ARFGEF2: variants seen among roughly 807,000 people sequenced by gnomAD.
ARFGEF2 encodes the protein ARF guanine nucleotide exchange factor 2.
A neutral mutation model predicts 219.9 loss-of-function variants in ARFGEF2; 74 were observed. That is an observed-to-expected ratio of 0.34 (90% CI 0.28 to 0.41). The LOEUF (loss-of-function observed/expected upper bound fraction) is 0.41. ARFGEF2 is among the 10% of genes least tolerant of loss of function. The probability of loss-of-function intolerance (pLI) is 1.00; values close to 1 mark genes in which losing one functional copy is unlikely to be tolerated. For synonymous variants in ARFGEF2, 733 were observed against 799.2 expected, an observed-to-expected ratio of 0.92 and a Z score of 1.40; for missense variants, 1,743 against 2,218.3, an observed-to-expected ratio of 0.79 and a Z score of 4.30.
chr20:48,963,112 G>T (rs1446760072), intron 6 of ARFGEF2, among the ~76,000 whole-genome samples: 1 of 149,408 alleles, frequency 6.7e-6, no homozygotes, highest in Non-Finnish European at 1.5e-5. Flanking sequence ...GGAGGTGGAG[G>T]TTGCAGTAAG....
At chr20:48,991,464 ATT>A (rs71337479) in intron 21 of ARFGEF2, among the ~76,000 whole-genome samples, 24 of 134,836 alleles carry the variant, frequency 1.8e-4, no homozygotes, top group Admixed American at 3.0e-4. Context: ...TATTAGTGCC[ATT>A]TTTTTTTTTT....
chr20:48,991,177 C>A lies in ARFGEF2; in HGVS notation c.2952C>A (p.Tyr984Ter). 6.2e-7 allele frequency: 1 copy of A among 1,614,212 alleles called. No homozygotes were observed. The highest frequency in any genetic ancestry group is 2.2e-5 in the East Asian group (1 of 44,884). ...CAGTGGCTCACACCGATGGCAACTA[C>A]CTTGGGAATTCCTGGCATGAGGTAC... Reference protein sequence around the residue: ...LITVAHTDGNYLGNSWHEILK... With the variant: ...LITVAHTDGN The change falls in exon 21 of 39, where the codon TAC (tyrosine) becomes TAA (stop). Residue 984 changes from tyrosine (Y) to a stop codon, truncating the protein, a stop_gained. Coordinates refer to ENST00000371917, the MANE Select transcript of ARFGEF2 (RefSeq NM_006420.3). LOFTEE classifies it high-confidence loss of function.
intron 14 of ARFGEF2, among the ~76,000 whole-genome samples, chr20:48,981,312 A>G (rs892153516): frequency 5.3e-5 from 8 of 152,048 alleles, no homozygotes; most frequent in Non-Finnish European, 8.8e-5. Flanking sequence ...ATTGGCCCTC[A>G]CTCTCTTCTG....
Position 49,034,694 on chromosome 20 carries a change from C to T in ARFGEF2, c.*1495C>T, listed in dbSNP as rs963154043. 1 of 152,214 alleles carries T rather than the reference C, an allele frequency of 6.6e-6. No homozygotes were observed. Among genetic ancestry groups the T allele is most frequent in the Non-Finnish European group, 1.5e-5 (1 of 68,050 alleles). 9.4% of individuals were successfully genotyped at this position (152,214 alleles called of 1,614,324 possible). A position where few individuals can be genotyped will look rare whatever the true frequency, so the allele number is the denominator to read the frequency against. The stretch of plus-strand genomic sequence containing the variant: ...CCTTAGAAGTTAGTAGTTTGGGAAC[C>T]TATCTGTAAAATCAGATGTTTTTTC... On this transcript the variant is annotated 3_prime_UTR_variant, in exon 39 of 39. Transcript: ENST00000371917.
chr20:49,026,411 C>T (rs933459792), intron 36 of ARFGEF2, among the ~76,000 whole-genome samples: 12 of 151,688 alleles, frequency 7.9e-5, no homozygotes, highest in Non-Finnish European at 1.5e-4. Flanking sequence ...AAACAGAAAC[C>T]ATTCATCAAT....
intron 1 of ARFGEF2, among the ~76,000 whole-genome samples, chr20:48,933,350 C>T (rs569634493): frequency 1.3e-5 from 2 of 152,272 alleles, no homozygotes; most frequent in East Asian, 3.9e-4. Context: ...ACTGCCTGGG[C>T]GTGGATCCTG....
chr20:48,923,540 G>A (rs2090856826), intron 1 of ARFGEF2, among the ~76,000 whole-genome samples: 1 of 152,206 alleles, frequency 6.6e-6, no homozygotes, highest in Non-Finnish European at 1.5e-5. Context: ...AATTTACTGA[G>A]ATGTAGATTT....
At chr20:48,923,987 G>T (rs1254502456) in intron 1 of ARFGEF2, among the ~76,000 whole-genome samples, 3 of 152,212 alleles carry the variant, frequency 2.0e-5, no homozygotes, top group African/African-American at 7.2e-5. Flanking sequence ...TTGACTACAG[G>T]TTATATGAAT....
chr20:49,000,905 T>G (rs1305355682), intron 25 of ARFGEF2, among the ~76,000 whole-genome samples: 1 of 152,122 alleles, frequency 6.6e-6, no homozygotes, highest in Non-Finnish European at 1.5e-5. Flanking sequence ...GTGTGCCAAT[T>G]CTCAGTATGT....
At chr20:49,025,106 G>A (rs538962022) in intron 35 of ARFGEF2, among the ~76,000 whole-genome samples, 1 of 152,206 alleles carries the variant, frequency 6.6e-6, no homozygotes, top group Non-Finnish European at 1.5e-5. Context: ...GGCCAGCCAA[G>A]CCTGCCATCA....
intron 20 of ARFGEF2, among the ~76,000 whole-genome samples, 163 bp from the exon 21 acceptor site, chr20:48,990,876 GC>G (rs770317510): frequency 9.8e-5 from 15 of 152,316 alleles, no homozygotes; most frequent in Middle Eastern, 3.4e-3. Context: ...TGTTCCAAAA[GC>G]AAGAGGGCAT....
chr20:48,999,089 T>C (rs1166801239), intron 25 of ARFGEF2: 1 of 308,478 alleles, frequency 3.2e-6, no homozygotes, highest in Non-Finnish European at 6.3e-6. Flanking sequence ...TGCAAAAAAA[T>C]TAGCTGGGCG....
intron 1 of ARFGEF2, among the ~76,000 whole-genome samples, chr20:48,929,949 G>C (rs984406345): frequency 2.6e-5 from 4 of 152,178 alleles, no homozygotes; most frequent in Admixed American, 6.5e-5. Flanking sequence ...CCGGGAAGCA[G>C]GTGATAGGAT....
chr20:48,981,689 C>CT (rs1466314268), intron 14 of ARFGEF2, among the ~76,000 whole-genome samples: 4 of 152,100 alleles, frequency 2.6e-5, no homozygotes, highest in East Asian at 3.8e-4. Context: ...TCTTTTTATT[C>CT]TTTTTTCTGT....
At chr20:48,967,005 C>G (rs1199299332) in intron 8 of ARFGEF2, among the ~76,000 whole-genome samples, 1 of 152,106 alleles carries the variant, frequency 6.6e-6, no homozygotes, top group Non-Finnish European at 1.5e-5. Context: ...CACCACCATA[C>G]CTGGCTAATT....
chr20:48,983,131 G>A (rs973142287), intron 14 of ARFGEF2, among the ~76,000 whole-genome samples: 5 of 152,106 alleles, frequency 3.3e-5, no homozygotes, highest in African/African-American at 9.7e-5. Context: ...ATCTTGGGAC[G>A]GAATCTTACT....
chr20:48,970,117 C>A (rs1345355602), intron 9 of ARFGEF2, among the ~76,000 whole-genome samples: 1 of 150,730 alleles, frequency 6.6e-6, no homozygotes, highest in East Asian at 2.0e-4. Context: ...GAGTTCGAGA[C>A]CAGCCTGGCC....
intron 13 of ARFGEF2, 140 bp downstream of exon 13, chr20:48,975,014 C>G (rs923003723): frequency 7.5e-5 from 56 of 743,172 alleles, no homozygotes; most frequent in Non-Finnish European, 1.2e-4. Flanking sequence ...TTTGAAAGTC[C>G]TGCTTTTTAT....
rs1423443757 is a variant in ARFGEF2, at chr20:48,976,002, T to G, written c.1775-14T>G. The G allele has an allele frequency of 6.8e-6, 11 of 1,612,040 alleles. No homozygotes were observed. Among genetic ancestry groups the G allele is most frequent in the Non-Finnish European group, 8.5e-6 (10 of 1,179,970 alleles). ...CTTGCTTATTTGGCTTCCTTTACTT[T>G]TGTTTCTCCGCAGGTCAGGAGAGGC... On this transcript the variant is annotated splice_polypyrimidine_tract_variant and intron_variant, in intron 13 of 38. Coordinates refer to ENST00000371917, the MANE Select transcript of ARFGEF2 (RefSeq NM_006420.3).
Sources: allele counts gnomAD v4.1 joint callset (sites outside exome capture counted in the v4.1 genomes callset), GRCh38; gene constraint gnomAD v4.1.1; transcripts MANE v1.5; gene names NCBI Gene and HGNC (gene_info 2026-07-23, HGNC 2026-07-21).